ATPAF2: variants seen among roughly 807,000 people sequenced by gnomAD.
ATPAF2 encodes the protein ATP synthase mitochondrial F1 complex assembly factor 2.
ATPAF2 carries 30 observed loss-of-function variants against 36.6 expected under a neutral mutation model. The observed-to-expected ratio is 0.82, with a 90% CI of 0.61 to 1.11. ATPAF2 has a LOEUF of 1.11. Ranked by LOEUF, ATPAF2 falls within the 50% of genes most tolerant of loss-of-function variation. ATPAF2 has a pLI of 0.00. For synonymous variants in ATPAF2, 140 were observed against 152.6 expected (o/e 0.92, Z 0.61); for missense variants, 321 against 372.3 (o/e 0.86, Z 1.13).
chr17:18,035,140 G>A (rs1248724367), intron 1 of ATPAF2, among the ~76,000 whole-genome samples: 1 of 151,922 alleles, frequency 6.6e-6, no homozygotes, highest in Non-Finnish European at 1.5e-5. Flanking sequence ...GAGGCAGGAG[G>A]ATCACTTGAG....
chr17:18,020,438 G>A (rs1341047689), intron 7 of ATPAF2, among the ~76,000 whole-genome samples: 3 of 152,204 alleles, frequency 2.0e-5, no homozygotes, highest in African/African-American at 4.8e-5. Flanking sequence ...TTATCCACCC[G>A]TGAACCTCCT....
At chr17:18,023,086 GCCACTGCACT>G (rs2044494300) in intron 5 of ATPAF2, among the ~76,000 whole-genome samples, 1 of 145,696 alleles carries the variant, frequency 6.9e-6, no homozygotes, top group South Asian at 2.2e-4. Flanking sequence ...CTGAGATCAC[GCCACTGCACT>G]CCAGCCTGGG....
intron 1 of ATPAF2, among the ~76,000 whole-genome samples, chr17:18,034,727 G>A (rs2044681796): frequency 6.6e-6 from 1 of 150,854 alleles, no homozygotes; most frequent in African/African-American, 2.4e-5. Flanking sequence ...CTACTCTTAG[G>A]TATATGTCCA....
chr17:18,032,590 C>T (rs989134050), intron 1 of ATPAF2, among the ~76,000 whole-genome samples: 2 of 152,206 alleles, frequency 1.3e-5, no homozygotes, highest in African/African-American at 2.4e-5. Context: ...GAGGGGCAAA[C>T]GTGTCTTGGA....
Position 18,018,156 on chromosome 17 carries a change from T to A in ATPAF2, c.*393A>T, listed in dbSNP as rs2044410920. ...AAGGTTCCTGACCACAGGCAGCAGA[T>A]ATCCAAACACGCCATGGGAGATAAG... On this transcript the variant is annotated 3_prime_UTR_variant, in exon 8 of 8. Coordinates refer to ENST00000474627, the MANE Select transcript of ATPAF2 (RefSeq NM_145691.4). The A allele has an allele frequency of 3.6e-6, 1 of 281,360 alleles. No homozygotes were observed. Among genetic ancestry groups the A allele is most frequent in the Non-Finnish European group, 6.9e-6 (1 of 144,364 alleles). 17.4% of individuals were successfully genotyped at this position (281,360 alleles called of 1,614,324 possible). A position where few individuals can be genotyped will look rare whatever the true frequency, so the allele number is the denominator to read the frequency against.
chr17:18,038,638 A>T (rs2044740900), intron 1 of ATPAF2, among the ~76,000 whole-genome samples: 1 of 152,212 alleles, frequency 6.6e-6, no homozygotes, highest in African/African-American at 2.4e-5. Flanking sequence ...GGGCAGCCAT[A>T]AGCTTTGAGA....
At chr17:18,029,839 G>A (rs538018761) in intron 1 of ATPAF2, among the ~76,000 whole-genome samples, 70 of 135,430 alleles carry the variant, frequency 5.2e-4, no homozygotes, top group Middle Eastern at 3.9e-3. Context: ...GATCCAACCC[G>A]TGAGCCACCA....
intron 1 of ATPAF2, among the ~76,000 whole-genome samples, chr17:18,032,479 G>A: frequency 6.6e-6 from 1 of 152,216 alleles, no homozygotes; most frequent in Admixed American, 6.5e-5. Context: ...GACGGCAGAA[G>A]GGCAAAAGAA....
chr17:18,017,806 A>C (rs78292312), downstream of ATPAF2, among the ~76,000 whole-genome samples: 1,314 of 152,326 alleles, frequency 8.6e-3, 18 homozygotes, highest in African/African-American at 0.028. Context: ...GACACCAGAA[A>C]GTAGCGCCTG....
Position 18,021,741 on chromosome 17 carries a change from A to G in ATPAF2, c.616+4T>C, listed in dbSNP as rs375133434. 8 of 1,613,132 alleles carry G rather than the reference A, an allele frequency of 5.0e-6. No individual in the cohort carries two copies. The African/African-American group carries it at 6.7e-5, about 13-fold the overall frequency. ...GCCAAGCCCACAAGAAACTCCATAC[A>G]TGCCTTGTAAAGCCCATGTGTTGTA... On this transcript the variant is annotated splice_donor_region_variant and intron_variant, in intron 6 of 7. Coordinates refer to ENST00000474627, the MANE Select transcript of ATPAF2 (RefSeq NM_145691.4).
intron 5 of ATPAF2, 129 bp from the exon 6 acceptor site, chr17:18,021,986 A>G (rs897476162): frequency 5.1e-6 from 4 of 790,266 alleles, no homozygotes; most frequent in Non-Finnish European, 8.7e-6. Flanking sequence ...AGTCTTGACT[A>G]CAGGAGCAAC....
chr17:18,024,409 G>A (rs539519167), intron 5 of ATPAF2, among the ~76,000 whole-genome samples: 4 of 152,210 alleles, frequency 2.6e-5, no homozygotes, highest in Non-Finnish European at 5.9e-5. Context: ...TACAGCAGGT[G>A]TGCTGTACCT....
At chr17:18,028,742 C>T in intron 1 of ATPAF2, 83 bp from the exon 2 acceptor site, 1 of 1,240,838 alleles carries the variant, frequency 8.1e-7, no homozygotes, top group South Asian at 1.2e-5. Context: ...TGTATCATTA[C>T]TGCTAATGTT....
In ATPAF2 at chr17:18,028,637, A is replaced by G. The variant is rs370797755; in HGVS notation, c.156T>C (p.Asn52=). The G allele has an allele frequency of 3.1e-6, 5 of 1,613,348 alleles. No homozygotes were observed. The highest frequency in any genetic ancestry group is 3.4e-6 in the Non-Finnish European group (4 of 1,179,998). ...PPTERKRFYQ[N]VSITQGEGGF... ...CACCTTCACCCTGTGTGATGCTGAC[A>G]TTCTGATAAAACCTCTTCCTTTCTG... Residue 52 remains asparagine (N), a synonymous_variant, in exon 2 of 8, where the codon AAT becomes AAC. Transcript: ENST00000474627.
At chr17:18,022,854 G>T (rs945096981) in intron 5 of ATPAF2, among the ~76,000 whole-genome samples, 1 of 151,952 alleles carries the variant, frequency 6.6e-6, no homozygotes, top group Admixed American at 6.6e-5. Context: ...GGCCGGGCGC[G>T]GTGGCTCATG....
At chr17:18,020,897 A>T in intron 7 of ATPAF2, 5 of 1,168,982 alleles carry the variant, frequency 4.3e-6, no homozygotes, top group Non-Finnish European at 5.6e-6. Context: ...CTGACCTCAA[A>T]TGATCCATCC....
chr17:18,028,665 A>G lies in ATPAF2; in HGVS notation c.134-6T>C, dbSNP rs374244359. 16 of 1,613,434 alleles carry G rather than the reference A, an allele frequency of 9.9e-6. No homozygotes were observed. The highest frequency in any genetic ancestry group is 1.4e-5 in the Non-Finnish European group (16 of 1,179,956). ...CTGATAAAACCTCTTCCTTTCTGTAAGAAAGATTTTTCAAAGAGGCAGTTT... is the reference window on the plus strand; with the variant it reads ...CTGATAAAACCTCTTCCTTTCTGTAGGAAAGATTTTTCAAAGAGGCAGTTT... On this transcript the variant is annotated splice_polypyrimidine_tract_variant and splice_region_variant and intron_variant, in intron 1 of 7. Transcript: ENST00000474627.
rs111755806 is a variant in ATPAF2, at chr17:18,022,113, C to T, written c.504-256G>A. ...TTCCTGAGTCATGTGAGCTAGGGCT[C>T]GGTTATACGCAGCTGCCTGAAATGC... On this transcript the variant is annotated intron_variant, in intron 5 of 7. Coordinates refer to ENST00000474627, the MANE Select transcript of ATPAF2 (RefSeq NM_145691.4). Among the ~76,000 whole-genome samples the T allele has an allele frequency of 6.6e-3, 1,012 of 152,248 alleles. 10 individuals carry two copies. Among genetic ancestry groups the T allele is most frequent in the African/African-American group, 0.023 (965 of 41,546 alleles).
intron 5 of ATPAF2, 98 bp from the exon 6 acceptor site, chr17:18,021,955 G>A (rs2044476189): frequency 9.6e-7 from 1 of 1,045,032 alleles, no homozygotes; most frequent in East Asian, 2.4e-5. Context: ...CAGAGCATGT[G>A]TGTGCATTGG....
Sources: allele counts gnomAD v4.1 joint callset (sites outside exome capture counted in the v4.1 genomes callset), GRCh38; gene constraint gnomAD v4.1.1; transcripts MANE v1.5; gene names NCBI Gene and HGNC (gene_info 2026-07-23, HGNC 2026-07-21).